Variants in CPT1A observed in about 807,000 individuals in gnomAD.
The protein encoded by CPT1A is carnitine O-palmitoyltransferase 1, liver isoform.
In CPT1A, 64 loss-of-function variants were observed where a neutral mutation model predicts 100.8. The ratio of observed to expected loss-of-function variants is 0.63; its 90% CI spans 0.52 to 0.78. The LOEUF is 0.78. CPT1A is among the 30% of genes least tolerant of loss of function. The probability of loss-of-function intolerance (pLI) is 0.00; values close to 1 mark genes in which losing one functional copy is unlikely to be tolerated. For synonymous variants in CPT1A, 363 were observed against 396.0 expected, an observed-to-expected ratio of 0.92 and a Z score of 0.99; for missense variants, 802 against 1,034.1, an observed-to-expected ratio of 0.78 and a Z score of 3.08.
At chr11:68,825,468 G>A (rs1484056259) in intron 1 of CPT1A, among the ~76,000 whole-genome samples, 2 of 152,146 alleles carry the variant, frequency 1.3e-5, no homozygotes, top group Non-Finnish European at 2.9e-5. Context: ...ATAAAACCAG[G>A]AGGAGCAAAG....
intron 1 of CPT1A, among the ~76,000 whole-genome samples, chr11:68,829,166 G>T (rs1856818497): frequency 6.6e-6 from 1 of 152,132 alleles, no homozygotes. Flanking sequence ...GTTCACTCCA[G>T]TCCCCAGAAC....
chr11:68,832,475 C>T (rs939400052), intron 1 of CPT1A, among the ~76,000 whole-genome samples: 3 of 152,058 alleles, frequency 2.0e-5, no homozygotes, highest in Non-Finnish European at 4.4e-5. Context: ...AACAAACAAA[C>T]AAACAAAAAC....
At chr11:68,830,800 G>T (rs1301233299) in intron 1 of CPT1A, among the ~76,000 whole-genome samples, 1 of 152,168 alleles carries the variant, frequency 6.6e-6, no homozygotes, top group Non-Finnish European at 1.5e-5. Flanking sequence ...GGCAGCCCAC[G>T]AATCCAAACT....
At chr11:68,788,459 T>A (rs1376763587) in intron 9 of CPT1A, among the ~76,000 whole-genome samples, 1 of 150,596 alleles carries the variant, frequency 6.6e-6, no homozygotes, top group Non-Finnish European at 1.5e-5. Context: ...GTAAGCTGGG[T>A]GTGGTGGTGC....
In CPT1A at chr11:68,773,318, G is replaced by A. The variant is rs747315058; in HGVS notation, c.1687C>T (p.Arg563Cys). 2 of 1,614,196 alleles carry A rather than the reference G, an allele frequency of 1.2e-6. No individual in the cohort carries two copies. The highest frequency in any genetic ancestry group is 2.2e-5 in the East Asian group (1 of 44,888). Reference protein sequence around the residue: ...AFGKGIIKKCRTSPDAFVQLA... With the variant: ...AFGKGIIKKCCTSPDAFVQLA... The stretch of plus-strand genomic sequence containing the variant: ...TGCACAAAGGCGTCTGGGCTCGTGC[G>A]ACATTTCTTGATGATTCCTTTACCA... The change falls in exon 14 of 19, where the codon CGC becomes TGC. Residue 563 changes from arginine (R) to cysteine (C), a missense_variant. Arg to Cys is a radical substitution (Grantham distance 180). Coordinates refer to ENST00000265641, the MANE Select transcript of CPT1A (RefSeq NM_001876.4).
At chr11:68,760,112 C>T (rs1413350037) in intron 17 of CPT1A, 113 bp downstream of exon 17, 9 of 745,750 alleles carry the variant, frequency 1.2e-5, no homozygotes, top group South Asian at 7.4e-5. Context: ...TCCTTTACGG[C>T]GGTAGAACCG....
At chr11:68,770,876 C>T (rs371260440) in intron 14 of CPT1A, among the ~76,000 whole-genome samples, 4 of 152,200 alleles carry the variant, frequency 2.6e-5, no homozygotes, top group Non-Finnish European at 5.9e-5. Context: ...CACAGGTTCT[C>T]GAACAAGCCT....
At chr11:68,763,832 G>C (rs1001540533) in intron 14 of CPT1A, among the ~76,000 whole-genome samples, 4 of 152,168 alleles carry the variant, frequency 2.6e-5, no homozygotes, top group African/African-American at 9.7e-5. Flanking sequence ...AGCTAGGCTG[G>C]TGCCTTGGGA....
At chr11:68,772,847 T>C (rs575914155) in intron 14 of CPT1A, among the ~76,000 whole-genome samples, 4 of 152,180 alleles carry the variant, frequency 2.6e-5, no homozygotes, top group South Asian at 2.1e-4. Flanking sequence ...ACGTGGACCA[T>C]GTTCACCTGA....
chr11:68,816,406 C>T (rs1373057426), intron 1 of CPT1A, among the ~76,000 whole-genome samples: 3 of 152,226 alleles, frequency 2.0e-5, no homozygotes, highest in Non-Finnish European at 1.5e-5. Context: ...CGTGCCTTGG[C>T]GGCCCCACGG....
At chr11:68,821,143 G>T (rs947505151) in intron 1 of CPT1A, among the ~76,000 whole-genome samples, 3 of 152,020 alleles carry the variant, frequency 2.0e-5, no homozygotes, top group African/African-American at 4.8e-5. Flanking sequence ...GCTAATTTTT[G>T]TATTTTTATT....
chr11:68,812,318 G>A, intron 3 of CPT1A, 119 bp downstream of exon 3: 13 of 1,388,012 alleles, frequency 9.4e-6, no homozygotes, highest in Non-Finnish European at 1.3e-5. Flanking sequence ...CGTGAGAACA[G>A]CATCAGGAGC....
chr11:68,815,349 C>A lies in CPT1A; in HGVS notation c.126G>T (p.Lys42Asn). Residue 42 changes from lysine (K) to asparagine (N), a missense_variant, in exon 2 of 19, where the codon AAG becomes AAT. Around this residue, in one of 4 missense-constraint regions of CPT1A, gnomAD observed 161 missense variants for 183.7 expected, o/e 0.88. Coordinates refer to ENST00000265641, the MANE Select transcript of CPT1A (RefSeq NM_001876.4). ...CTCAGAAAACCTTGAATCTGATGAA[C>A]TTCTTTTTCCAGGAATGAAGTCCAG... ...YLSGLHSWKK[K>N]FIRFKNGIIT... 6.2e-7 allele frequency: 1 copy of A among 1,614,156 alleles called. No homozygotes were observed. Among genetic ancestry groups the A allele is most frequent in the South Asian group, 1.1e-5 (1 of 91,084 alleles).
Position 68,775,391 on chromosome 11 carries a change from C to T in CPT1A, c.1500G>A (p.Glu500=), listed in dbSNP as rs760474415. ...TGATGTCGCCTTTGCAGTGCCCATC[C>T]TCCGCATAGCCCAGCTGGAGGCTGT... ...SIDSLQLGYA[E]DGHCKGDINP... is the part of the protein sequence containing the mutation. Residue 500 remains glutamate (E), a synonymous_variant, in exon 13 of 19, where the codon GAG becomes GAA. Coordinates refer to ENST00000265641, the MANE Select transcript of CPT1A (RefSeq NM_001876.4). 3.7e-6 allele frequency: 6 copies of T among 1,614,124 alleles called. No homozygotes were observed. The highest frequency in any genetic ancestry group is 5.1e-6 in the Non-Finnish European group (6 of 1,180,050).
chr11:68,832,516 A>G (rs1207756862), intron 1 of CPT1A, among the ~76,000 whole-genome samples: 3 of 152,084 alleles, frequency 2.0e-5, no homozygotes. Context: ...TATACTCTTA[A>G]CTCCCAAAGT....
At chr11:68,761,160 A>G (rs1170082601) in intron 16 of CPT1A, among the ~76,000 whole-genome samples, 1 of 151,656 alleles carries the variant, frequency 6.6e-6, no homozygotes, top group Non-Finnish European at 1.5e-5. Flanking sequence ...CCTGGGCAAC[A>G]CTGTAAGACC....
At chr11:68,767,322 G>A (rs142196294) in intron 14 of CPT1A, among the ~76,000 whole-genome samples, 125 of 152,274 alleles carry the variant, frequency 8.2e-4, no homozygotes, top group African/African-American at 2.9e-3. Context: ...ATGGCTGGGC[G>A]TGGTGGCTCA....
rs12272547 is a variant in CPT1A at position 68,841,186 on chromosome 11, G to A, written c.-14+589C>T. On this transcript the variant is annotated intron_variant, in intron 1 of 18. Coordinates refer to ENST00000265641, the MANE Select transcript of CPT1A (RefSeq NM_001876.4). This position sits in a 1 kb window ranked among gnomAD's most constrained non-coding sequence, Gnocchi z 6.3. ...AGGGCCGAGCACCCCTCCCTCAGCC[G>A]CACTGCACCTGCCCGTAGGTGACCA... 0.27 allele frequency among the ~76,000 whole-genome samples: 41,213 copies of A among 152,068 alleles called. 6,546 individuals are homozygous for A. Among genetic ancestry groups the A allele is most frequent in the South Asian group, 0.44 (2,117 of 4,826 alleles).
At chr11:68,810,536 A>G (rs1029103566) in intron 3 of CPT1A, among the ~76,000 whole-genome samples, 1 of 152,090 alleles carries the variant, frequency 6.6e-6, no homozygotes, top group Non-Finnish European at 1.5e-5. Flanking sequence ...ACGCTCGATG[A>G]CTCTGGAGGG....
Sources: gnomAD v4.1 joint callset for allele counts (sites outside exome capture counted in the v4.1 genomes callset) on GRCh38, gnomAD v4.1.1 for gene constraint, gnomAD v4.1.1 regional missense constraint, Gnocchi (gnomAD v3.1) non-coding constraint, MANE v1.5 for transcripts, NCBI Gene and HGNC (gene_info 2026-07-23, HGNC 2026-07-21) for gene names.